Variants in PDE10A observed in about 807,000 individuals in gnomAD.
PDE10A encodes phosphodiesterase 10A.
Under a neutral mutation model 97.7 loss-of-function variants are expected in PDE10A, and 39 were observed. That is an observed-to-expected ratio of 0.40 (90% confidence interval 0.31 to 0.52). The LOEUF (loss-of-function observed/expected upper bound fraction) is 0.52, where lower values mean the gene tolerates loss of function less well. PDE10A is among the 20% of genes least tolerant of loss of function. The pLI is 0.56. For missense variants in PDE10A, 731 were observed against 1,047.8 expected (o/e 0.70, Z 4.17); for synonymous variants, 371 against 376.8 (o/e 0.98, Z 0.18).
At chr6:165,582,250 A>C (rs1785653709) in intron 1 of PDE10A, among the ~76,000 whole-genome samples, 1 of 152,196 alleles carries the variant, frequency 6.6e-6, no homozygotes, top group Non-Finnish European at 1.5e-5. Flanking sequence ...ATATTTCTCT[A>C]TGTAGGCTGT....
chr6:165,871,758 G>T (rs769340976), intron 1 of PDE10A, among the ~76,000 whole-genome samples: 24 of 152,188 alleles, frequency 1.6e-4, no homozygotes, highest in Non-Finnish European at 2.8e-4. Flanking sequence ...AACCCCAGGG[G>T]TGACGACTGA....
At chr6:165,706,176 A>G (rs1341760932) in intron 1 of PDE10A, among the ~76,000 whole-genome samples, 1 of 152,190 alleles carries the variant, frequency 6.6e-6, no homozygotes, top group Non-Finnish European at 1.5e-5. Context: ...ATGATCTGAG[A>G]GGCAAAAGCA....
intron 2 of PDE10A, among the ~76,000 whole-genome samples, chr6:165,489,494 T>A (rs984557537): frequency 6.6e-6 from 1 of 151,990 alleles, no homozygotes; most frequent in East Asian, 1.9e-4. Flanking sequence ...TCTACCCAAA[T>A]GAGAAGGAAC....
chr6:165,659,834 A>G (rs1489938609), intron 1 of PDE10A, among the ~76,000 whole-genome samples: 3 of 152,030 alleles, frequency 2.0e-5, no homozygotes, highest in African/African-American at 7.2e-5. Context: ...AGAGGACTCC[A>G]CCCTCTATCC....
At chr6:165,565,529 G>A (rs757475316) in intron 1 of PDE10A, among the ~76,000 whole-genome samples, 2 of 152,144 alleles carry the variant, frequency 1.3e-5, no homozygotes, top group Non-Finnish European at 2.9e-5. Context: ...TACACTCAGT[G>A]CAATCAAAAT....
Position 165,332,311 on chromosome 6 carries a change from G to GT in PDE10A, c.*713dup, listed in dbSNP as rs1186738726. On this transcript the variant is annotated 3_prime_UTR_variant, in exon 22 of 22. Transcript: ENST00000539869. ...GCTACTTGAAGTTCTGAGATTTATT[G>GT]TAACATATACCTCATCTCTTCTCAA... 6.6e-6 allele frequency: 1 copy of GT among 152,184 alleles called. No individual in the cohort carries two copies. The highest frequency in any genetic ancestry group is 2.4e-5 in the African/African-American group (1 of 41,434). 9.4% of individuals were successfully genotyped at this position (152,184 alleles called of 1,614,324 possible).
chr6:165,928,319 A>C (rs925976765), intron 1 of PDE10A, among the ~76,000 whole-genome samples: 2 of 152,256 alleles, frequency 1.3e-5, no homozygotes, highest in Non-Finnish European at 2.9e-5. Flanking sequence ...GAGCAGATTG[A>C]TTGGAGGATG....
At chr6:165,888,648 A>T (rs1462135845) in intron 1 of PDE10A, among the ~76,000 whole-genome samples, 1 of 151,758 alleles carries the variant, frequency 6.6e-6, no homozygotes, top group Non-Finnish European at 1.5e-5. Context: ...TGGGATTTTT[A>T]TTTGTTTGTT....
chr6:165,431,621 C>CATAT (rs56071486), intron 7 of PDE10A, 149 bp from the exon 8 acceptor site: 3 of 240,086 alleles, frequency 1.2e-5, no homozygotes, highest in African/African-American at 4.9e-5. Flanking sequence ...TCATACATAA[C>CATAT]ATATATATAT....
chr6:165,445,479 A>C (rs544900402), intron 5 of PDE10A, among the ~76,000 whole-genome samples: 1 of 152,270 alleles, frequency 6.6e-6, no homozygotes, highest in East Asian at 1.9e-4. Context: ...CAGGAGAGAA[A>C]AGTTGGGGCC....
chr6:165,786,278 G>A (rs1778491068), intron 1 of PDE10A, among the ~76,000 whole-genome samples: 1 of 152,178 alleles, frequency 6.6e-6, no homozygotes, highest in South Asian at 2.1e-4. Context: ...CAAAGGAGGG[G>A]TGACCCCAGG....
chr6:165,680,521 CACAG>C (rs1438270858), intron 1 of PDE10A, among the ~76,000 whole-genome samples: 1 of 152,136 alleles, frequency 6.6e-6, no homozygotes, highest in African/African-American at 2.4e-5. Context: ...AGTCATAATC[CACAG>C]ACAATTTTTA....
At chr6:165,788,518 C>CAAAAAAAAAAAAAAAAAAAAAAAAAAAA (rs56927613) in intron 1 of PDE10A, among the ~76,000 whole-genome samples, 35 of 74,710 alleles carry the variant, frequency 4.7e-4, no homozygotes, top group East Asian at 9.3e-4. Flanking sequence ...AACTCTGTCT[C>CAAAAAAAAAAAAAAAAAAAAAAAAAAAA]AAAAAAAAAA....
intron 10 of PDE10A, among the ~76,000 whole-genome samples, chr6:165,425,235 A>C (rs533985336): frequency 6.6e-6 from 1 of 152,280 alleles, no homozygotes; most frequent in African/African-American, 2.4e-5. Context: ...TTTTTTAAAA[A>C]AAACTGAAAA....
chr6:165,543,392 G>GT, intron 2 of PDE10A, 48 bp downstream of exon 2: 1 of 1,555,738 alleles, frequency 6.4e-7, no homozygotes, highest in Non-Finnish European at 8.7e-7. Context: ...GTCTTTTGCC[G>GT]TAAGATAGAA....
chr6:165,556,846 A>T (rs1562577879), intron 1 of PDE10A, among the ~76,000 whole-genome samples: 1 of 152,182 alleles, frequency 6.6e-6, no homozygotes, highest in Admixed American at 6.5e-5. Context: ...TAAATAAAAA[A>T]AAAAAATTCT....
At chr6:165,918,349 A>C (rs1782663705) in intron 1 of PDE10A, among the ~76,000 whole-genome samples, 1 of 152,228 alleles carries the variant, frequency 6.6e-6, no homozygotes, top group Non-Finnish European at 1.5e-5. Flanking sequence ...ACGTTTTCAG[A>C]CTTTAAAGAA....
At chr6:165,485,506 C>A (rs1779861541) in intron 2 of PDE10A, among the ~76,000 whole-genome samples, 1 of 144,876 alleles carries the variant, frequency 6.9e-6, no homozygotes, top group African/African-American at 2.5e-5. Flanking sequence ...TTGGAGTTTT[C>A]AAAAAAATTA....
At chr6:165,741,175 A>G (rs1024029447) in intron 1 of PDE10A, among the ~76,000 whole-genome samples, 6 of 152,186 alleles carry the variant, frequency 3.9e-5, no homozygotes, top group Admixed American at 3.3e-4. Flanking sequence ...TATGTTTGTT[A>G]ATAAGCTTGA....
Sources: gnomAD v4.1 joint callset for allele counts (sites outside exome capture counted in the v4.1 genomes callset) on GRCh38, gnomAD v4.1.1 for gene constraint, MANE v1.5 for transcripts, NCBI Gene and HGNC (gene_info 2026-07-23, HGNC 2026-07-21) for gene names.